LDLRAD4: variants seen among roughly 807,000 people sequenced by gnomAD.
LDLRAD4 encodes low-density lipoprotein receptor class A domain-containing protein 4.
In LDLRAD4, 5 loss-of-function variants were observed where a neutral mutation model predicts 17.0. That is an observed-to-expected ratio of 0.29 (90% CI 0.15 to 0.62). The LOEUF (loss-of-function observed/expected upper bound fraction) is 0.62, where lower values mean the gene tolerates loss of function less well. Among genes scored for constraint, LDLRAD4 ranks in the 20% least tolerant of loss-of-function variants. LDLRAD4 has a pLI of 0.84. For missense variants in LDLRAD4, 340 were observed against 424.7 expected (o/e 0.80, Z 1.75); for synonymous variants, 168 against 171.8 (o/e 0.98, Z 0.17).
chr18:13,448,731 G>C (rs1048229313), intron 3 of LDLRAD4, among the ~76,000 whole-genome samples: 3 of 152,082 alleles, frequency 2.0e-5, no homozygotes, highest in African/African-American at 4.8e-5. Context: ...CGCTTGGTTT[G>C]ATGGCCGCTA....
At chr18:13,439,070 T>G (rs2090855127) in intron 3 of LDLRAD4, among the ~76,000 whole-genome samples, 1 of 152,188 alleles carries the variant, frequency 6.6e-6, no homozygotes, top group African/African-American at 2.4e-5. Context: ...AGGCTGAGGA[T>G]CTTTCTGCAG....
At chr18:13,275,167 A>G (rs184336762), upstream of LDLRAD4, among the ~76,000 whole-genome samples, 14 of 152,352 alleles carry the variant, frequency 9.2e-5, no homozygotes, top group East Asian at 2.7e-3. Context: ...TGGGAAGGAA[A>G]GATTTATTGA....
chr18:13,502,361 T>G (rs1424476266), intron 3 of LDLRAD4, among the ~76,000 whole-genome samples: 2 of 152,254 alleles, frequency 1.3e-5, no homozygotes, highest in Non-Finnish European at 2.9e-5. Context: ...GCCTCTTTTC[T>G]AAAATGCTTT....
upstream of LDLRAD4, among the ~76,000 whole-genome samples, chr18:13,276,263 C>G (rs1360273893): frequency 6.6e-6 from 1 of 152,112 alleles, no homozygotes; most frequent in Non-Finnish European, 1.5e-5. Context: ...CCGCCTCGGC[C>G]TCACAAAGTA....
At chr18:13,375,847 A>C (rs1386156883) in intron 1 of LDLRAD4, among the ~76,000 whole-genome samples, 1 of 152,092 alleles carries the variant, frequency 6.6e-6, no homozygotes, top group African/African-American at 2.4e-5. Flanking sequence ...TTGCTCTTCA[A>C]CACTGGTCTT....
Position 13,571,699 on chromosome 18 carries a change from T to C in LDLRAD4, c.182-49418T>C, listed in dbSNP as rs539221343. On this transcript the variant is annotated intron_variant, in intron 3 of 5. Coordinates refer to ENST00000359446, the Ensembl canonical transcript of LDLRAD4. ...TTGCCCAGGCTGGAGTGCAGTGGTA[T>C]GATCTCAGCTCACTGCAAGCTCCGC... 6.7e-3 allele frequency among the ~76,000 whole-genome samples: 1,018 copies of C among 152,340 alleles called. 6 individuals carry two copies. Among genetic ancestry groups the C allele is most frequent in the African/African-American group, 0.023 (952 of 41,578 alleles).
chr18:13,482,292 C>G (rs543387840), intron 3 of LDLRAD4, among the ~76,000 whole-genome samples: 1 of 152,184 alleles, frequency 6.6e-6, no homozygotes, highest in Non-Finnish European at 1.5e-5. Context: ...CTTCTGCACA[C>G]ACTTCCTCTG....
intron 4 of LDLRAD4, among the ~76,000 whole-genome samples, chr18:13,623,632 C>T (rs755582249): frequency 2.6e-5 from 4 of 152,242 alleles, no homozygotes; most frequent in Non-Finnish European, 5.9e-5. Flanking sequence ...CCTTGCTCCA[C>T]TTCCCGATCT....
At chr18:13,500,886 G>A (rs2093603047) in intron 3 of LDLRAD4, 1 of 152,166 alleles carries the variant, frequency 6.6e-6, no homozygotes, top group Non-Finnish European at 1.5e-5. Flanking sequence ...TTAGAAAGGA[G>A]AAGGAACCAT....
At chr18:13,334,692 C>T (rs2082022717) in intron 1 of LDLRAD4, among the ~76,000 whole-genome samples, 1 of 151,986 alleles carries the variant, frequency 6.6e-6, no homozygotes, top group African/African-American at 2.4e-5. Flanking sequence ...ATTTCCTTTC[C>T]TTTTCTTGTC....
chr18:13,485,921 A>G (rs1177009658), intron 3 of LDLRAD4, among the ~76,000 whole-genome samples: 1 of 152,230 alleles, frequency 6.6e-6, no homozygotes, highest in Non-Finnish European at 1.5e-5. Context: ...ACTACAAAAA[A>G]TAGGAATAGG....
intron 3 of LDLRAD4, among the ~76,000 whole-genome samples, chr18:13,604,815 C>G (rs879582458): frequency 3.3e-5 from 5 of 152,158 alleles, no homozygotes; most frequent in African/African-American, 4.8e-5. Context: ...ACCCTCCCAC[C>G]CAGAAGATGT....
chr18:13,579,000 C>T lies in LDLRAD4; in HGVS notation c.182-42117C>T, dbSNP rs142088617. 5.6e-3 allele frequency among the ~76,000 whole-genome samples: 855 copies of T among 151,816 alleles called. 9 individuals are homozygous for T. Among genetic ancestry groups the T allele is most frequent in the African/African-American group, 0.02 (814 of 41,400 alleles). ...GGTCAGGAGATCGAGACCATCCTGA[C>T]TAACACGGTGAAACCCCGTCTCTAC... is the stretch of plus-strand genomic sequence containing the variant. On this transcript the variant is annotated intron_variant, in intron 3 of 5. Coordinates refer to ENST00000359446, the Ensembl canonical transcript of LDLRAD4.
At chr18:13,501,082 G>A (rs2093606787) in intron 3 of LDLRAD4, 1 of 152,208 alleles carries the variant, frequency 6.6e-6, no homozygotes, top group South Asian at 2.1e-4. Context: ...TGATGGAAGG[G>A]ATTGCAGAAG....
chr18:13,534,675 T>C (rs1427400726), intron 3 of LDLRAD4, among the ~76,000 whole-genome samples: 1 of 152,248 alleles, frequency 6.6e-6, no homozygotes, highest in Admixed American at 6.5e-5. Context: ...CATCTTTTTG[T>C]ATGCTTTGCT....
chr18:13,500,670 C>T (rs181462919), intron 3 of LDLRAD4: 11 of 152,298 alleles, frequency 7.2e-5, no homozygotes, highest in Admixed American at 4.6e-4. Flanking sequence ...GTCAGAGCCT[C>T]GTTGAGTAAC....
chr18:13,559,044 A>G (rs2094513790), intron 3 of LDLRAD4, among the ~76,000 whole-genome samples: 1 of 152,236 alleles, frequency 6.6e-6, no homozygotes, highest in Admixed American at 6.5e-5. Context: ...CCCAGAATGT[A>G]GTACCCCACT....
intron 3 of LDLRAD4, among the ~76,000 whole-genome samples, chr18:13,450,235 A>C (rs3859301): frequency 6.7e-6 from 1 of 148,450 alleles, no homozygotes; most frequent in East Asian, 2.0e-4. Context: ...GCCTCCTCTC[A>C]CCCTTCTGGT....
At chr18:13,360,782 A>C (rs572040019) in intron 1 of LDLRAD4, among the ~76,000 whole-genome samples, 1 of 152,352 alleles carries the variant, frequency 6.6e-6, no homozygotes, top group Admixed American at 6.5e-5. Context: ...AACTGAGTGA[A>C]GGAGAGGCAT....
Sources: allele counts gnomAD v4.1 joint callset (sites outside exome capture counted in the v4.1 genomes callset), GRCh38; gene constraint gnomAD v4.1.1; transcripts MANE v1.5; gene names NCBI Gene and HGNC (gene_info 2026-07-23, HGNC 2026-07-21).